Variants in MRC1 observed in about 807,000 individuals in gnomAD.
MRC1 encodes the protein mannose receptor C-type 1, also known as macrophage mannose receptor 1.
A neutral mutation model predicts 102.9 loss-of-function variants in MRC1; 62 were observed. The observed-to-expected ratio is 0.60, with a 90% CI of 0.49 to 0.74. The LOEUF (loss-of-function observed/expected upper bound fraction) is 0.74, where lower values mean the gene tolerates loss of function less well. MRC1 is among the 30% of genes least tolerant of loss of function. MRC1 has a pLI of 0.00. For missense variants in MRC1, 1,237 were observed against 862.8 expected, an observed-to-expected ratio of 1.43 and a Z score of -5.43; for synonymous variants, 457 against 298.4, an observed-to-expected ratio of 1.53 and a Z score of -5.48.
chr10:17,817,660 TA>T (rs1301557672), intron 1 of MRC1, among the ~76,000 whole-genome samples: 1 of 152,190 alleles, frequency 6.6e-6, no homozygotes, highest in East Asian at 1.9e-4. Context: ...GTGTAAGTAT[TA>T]AAAAAAGAAA....
At chr10:17,866,492 C>T in intron 11 of MRC1, 70 bp from the exon 12 acceptor site, 1 of 780,676 alleles carries the variant, frequency 1.3e-6, no homozygotes, top group Non-Finnish European at 2.4e-6. Context: ...GTTCTGAGTG[C>T]CTTCTGTGAG....
rs1366875489 is a variant in MRC1, at chr10:17,845,459, G to T, written c.1063+24G>T. 4.0e-5 allele frequency: 31 copies of T among 780,734 alleles called. No homozygotes were observed. In the Admixed American group the frequency reaches 5.3e-4, roughly 13 times the overall value. 48.4% of individuals were successfully genotyped at this position (780,734 alleles called of 1,614,324 possible). ...AGGTAAGTGATCTATGGGATCTGAAGTGCCTCAACTATTAGAATTGAAAGA... is the reference window on the plus strand; with the variant it reads ...AGGTAAGTGATCTATGGGATCTGAATTGCCTCAACTATTAGAATTGAAAGA... On this transcript the variant is annotated intron_variant, in intron 6 of 29. Coordinates refer to ENST00000569591, the MANE Select transcript of MRC1 (RefSeq NM_002438.4).
In MRC1 at chr10:17,894,324, C is replaced by G. The variant is rs1833721879; in HGVS notation, c.3250+12C>G. 1 of 869,888 alleles carries G rather than the reference C, an allele frequency of 1.1e-6. No individual in the cohort carries two copies. Among genetic ancestry groups the G allele is most frequent in the Admixed American group, 1.7e-5 (1 of 59,064 alleles). The allele number at this position is 869,888 out of a possible 1,614,324, so 53.9% of individuals were successfully genotyped here. A position where few individuals can be genotyped will look rare whatever the true frequency, so the allele number is the denominator to read the frequency against. ...CCAGACACGATCCGGTAAGTTCTAC[C>G]AAACCTTACCTTCCTGAAAGAGCTG... On this transcript the variant is annotated intron_variant, in intron 23 of 29. Transcript: ENST00000569591.
intron 4 of MRC1, 64 bp from the exon 5 acceptor site, chr10:17,840,629 A>C: frequency 1.3e-6 from 1 of 776,216 alleles, no homozygotes; most frequent in Non-Finnish European, 2.4e-6. Context: ...TTCTGAATTT[A>C]ATTTCAACTG....
chr10:17,891,769 C>A (rs1697929064), intron 22 of MRC1, among the ~76,000 whole-genome samples: 3 of 152,172 alleles, frequency 2.0e-5, no homozygotes, highest in Admixed American at 6.5e-5. Flanking sequence ...TTGTTTCTGT[C>A]TCTCCTGTTG....
chr10:17,832,869 G>T (rs1266653068), intron 3 of MRC1, among the ~76,000 whole-genome samples: 1 of 152,120 alleles, frequency 6.6e-6, no homozygotes, highest in Non-Finnish European at 1.5e-5. Context: ...GATTACAGGC[G>T]TGAGCCGCTG....
At chr10:17,849,800 A>T in intron 7 of MRC1, 36 bp downstream of exon 7, 1 of 760,232 alleles carries the variant, frequency 1.3e-6, no homozygotes, top group Admixed American at 1.7e-5. Flanking sequence ...ACTTGGCTTT[A>T]ATCCTGGGAG....
rs1358087680 is a variant in MRC1, at chr10:17,863,705, G to A, written c.1783+23G>A. The A allele has an allele frequency of 6.4e-6, 5 of 779,804 alleles. No individual in the cohort carries two copies. In the Admixed American group the frequency reaches 8.5e-5, roughly 13 times the overall value. The allele number at this position is 779,804 out of a possible 1,614,324, so 48.3% of individuals were successfully genotyped here. The stretch of plus-strand genomic sequence containing the variant: ...CAGGTACGGGCAGCGCTTAGGTTGA[G>A]GGTTGCTTTCACCCTACGAATCTGT... On this transcript the variant is annotated intron_variant, in intron 11 of 29. Transcript: ENST00000569591.
chr10:17,900,140 G>T (rs1477699225), intron 24 of MRC1, among the ~76,000 whole-genome samples: 1 of 148,618 alleles, frequency 6.7e-6, no homozygotes, highest in Non-Finnish European at 1.5e-5. Context: ...TGTGCAAGTA[G>T]ACTAAAATGA....
At position 17,867,380 on chromosome 10, in the gene MRC1, CTTCTT is replaced by C. The variant is rs1833290403; in HGVS notation, c.1983+620_1983+624del. Among the ~76,000 whole-genome samples the C allele has an allele frequency of 8.0e-5, 11 of 136,978 alleles. No homozygotes were observed. In the South Asian group the frequency reaches 2.2e-3, roughly 27 times the overall value. 89.9% of individuals were successfully genotyped at this position (136,978 alleles called of 152,430 possible). A position where few individuals can be genotyped will look rare whatever the true frequency, so the allele number is the denominator to read the frequency against. Reference sequence around the variant, plus strand: ...TCTCCTTCTCCTTCTTCTTCTTCTTCTTCTTCTCCTTCTTCTCCTTCTTCTTCTTC... The same window carrying C: ...TCTCCTTCTCCTTCTTCTTCTTCTTCCTCCTTCTTCTCCTTCTTCTTCTTC... On this transcript the variant is annotated intron_variant, in intron 12 of 29. Transcript: ENST00000569591.
intron 3 of MRC1, among the ~76,000 whole-genome samples, chr10:17,830,957 C>T (rs940797438): frequency 2.0e-5 from 3 of 150,718 alleles, no homozygotes; most frequent in South Asian, 2.1e-4. Context: ...GGCATGATCT[C>T]GGCTCACTGC....
At chr10:17,908,277 TG>T (rs1833922918) in intron 28 of MRC1, among the ~76,000 whole-genome samples, 1 of 152,192 alleles carries the variant, frequency 6.6e-6, no homozygotes, top group Non-Finnish European at 1.5e-5. Context: ...AGAGGTTTTT[TG>T]TTTGTTGGTT....
At chr10:17,810,815 C>T (rs1168665850) in intron 1 of MRC1, among the ~76,000 whole-genome samples, 1 of 152,170 alleles carries the variant, frequency 6.6e-6, no homozygotes, top group African/African-American at 2.4e-5. Flanking sequence ...ATTTTTGAGA[C>T]AGATTCTCAT....
intron 22 of MRC1, among the ~76,000 whole-genome samples, chr10:17,892,289 A>G (rs1833690288): frequency 6.6e-6 from 1 of 152,182 alleles, no homozygotes; most frequent in Admixed American, 6.5e-5. Flanking sequence ...CTGCCTCCCC[A>G]TGCACTCCTC....
intron 17 of MRC1, among the ~76,000 whole-genome samples, chr10:17,876,200 T>A (rs922191727): frequency 2.0e-5 from 3 of 151,950 alleles, no homozygotes; most frequent in Non-Finnish European, 4.4e-5. Flanking sequence ...ACACAAGTTA[T>A]GCCCTATTGT....
intron 22 of MRC1, among the ~76,000 whole-genome samples, chr10:17,893,987 C>T (rs980548270): frequency 1.6e-4 from 25 of 152,184 alleles, no homozygotes; most frequent in African/African-American, 5.5e-4. Flanking sequence ...TTATCCAAAT[C>T]GGTTGGGTTT....
At position 17,811,531 on chromosome 10, in the gene MRC1, A is replaced by AT. The variant is rs1263678974; in HGVS notation, c.61+2014dup. ...AAAATTCAAGGGACCCCCCTTCCAGATTTTTTTTTCCTACGTGAAAGCCTG... is the reference window on the plus strand; with the variant it reads ...AAAATTCAAGGGACCCCCCTTCCAGATTTTTTTTTTCCTACGTGAAAGCCTG... On this transcript the variant is annotated intron_variant, in intron 1 of 29. Transcript: ENST00000569591. Among the ~76,000 whole-genome samples, 9 of 151,406 alleles carry AT rather than the reference A, an allele frequency of 5.9e-5. No homozygotes were observed. The East Asian group carries it at 9.7e-4, about 16-fold the overall frequency.
intron 26 of MRC1, among the ~76,000 whole-genome samples, chr10:17,903,382 C>CTTTTTTTTTTTTTT (rs1210207060): frequency 2.4e-5 from 3 of 125,050 alleles, no homozygotes; most frequent in Non-Finnish European, 5.0e-5. Flanking sequence ...TTTTTCTTTT[C>CTTTTTTTTTTTTTT]TTTTTTTTTC....
intron 1 of MRC1, among the ~76,000 whole-genome samples, chr10:17,817,260 A>G (rs1307421355): frequency 2.0e-5 from 3 of 151,880 alleles, no homozygotes; most frequent in African/African-American, 7.3e-5. Context: ...AAAAAAAAAA[A>G]AAAAAAAGAA....
Sources: allele counts gnomAD v4.1 joint callset (sites outside exome capture counted in the v4.1 genomes callset), GRCh38; gene constraint gnomAD v4.1.1; transcripts MANE v1.5; gene names NCBI Gene and HGNC (gene_info 2026-07-23, HGNC 2026-07-21).